The following AGBL3 variants were observed in gnomAD, a reference collection of about 807,000 sequenced individuals.
AGBL3 encodes the protein cytosolic carboxypeptidase 3.
In AGBL3, 68 loss-of-function variants were observed where a neutral mutation model predicts 94.5. The observed-to-expected ratio is 0.72, with a 90% CI of 0.59 to 0.88. The LOEUF (loss-of-function observed/expected upper bound fraction) is 0.88, where lower values mean the gene tolerates loss of function less well. Among genes scored for constraint, AGBL3 ranks in the 40% least tolerant of loss-of-function variants. AGBL3 has a pLI of 0.00. For synonymous variants in AGBL3, 354 were observed against 370.7 expected (o/e 0.95, Z 0.52); for missense variants, 934 against 1,103.8 (o/e 0.85, Z 2.18).
At chr7:135,077,769 T>G (rs1004831302) in intron 13 of AGBL3, among the ~76,000 whole-genome samples, 20 of 152,210 alleles carry the variant, frequency 1.3e-4, no homozygotes, top group African/African-American at 4.1e-4. Context: ...CCAGTTAAAC[T>G]CGGCCATTTT....
At chr7:135,130,725 G>C (rs1175818121) in intron 16 of AGBL3, among the ~76,000 whole-genome samples, 1 of 152,032 alleles carries the variant, frequency 6.6e-6, no homozygotes, top group East Asian at 1.9e-4. Flanking sequence ...TACCACTGTA[G>C]TTCCAGTCCT....
intron 11 of AGBL3, among the ~76,000 whole-genome samples, chr7:135,050,746 T>A (rs1817800587): frequency 6.6e-6 from 1 of 152,064 alleles, no homozygotes; most frequent in South Asian, 2.1e-4. Flanking sequence ...TCTCTTTTAG[T>A]TACCATTTTA....
At chr7:135,094,693 T>C (rs1822388716) in intron 15 of AGBL3, 1 of 359,150 alleles carries the variant, frequency 2.8e-6, no homozygotes, top group African/African-American at 2.1e-5. Context: ...ATCAATAGGT[T>C]AGAGACAAAT....
Position 135,037,675 on chromosome 7 carries a change from CT to C in AGBL3, c.1500+104del, listed in dbSNP as rs897571909. On this transcript the variant is annotated intron_variant, in intron 8 of 16. Transcript: ENST00000436302. ...ACGTGGATAATACTATTCCAAACTG[CT>C]TTTTTTTTAGTTAGTTTGACCAGTT... 1,247 of 1,038,246 alleles carry C rather than the reference CT, an allele frequency of 1.2e-3. 1 individual carries two copies. The highest frequency in any genetic ancestry group is 2.2e-3 in the South Asian group (87 of 40,268). The allele number at this position is 1,038,246 out of a possible 1,614,324, so 64.3% of individuals were successfully genotyped here. A position where few individuals can be genotyped will look rare whatever the true frequency, so the allele number is the denominator to read the frequency against.
At chr7:135,131,283 G>A (rs1354981402) in intron 16 of AGBL3, among the ~76,000 whole-genome samples, 2 of 151,990 alleles carry the variant, frequency 1.3e-5, no homozygotes, top group Non-Finnish European at 1.5e-5. Context: ...TGGACACATA[G>A]AGGGGAAAAT....
chr7:135,080,299 C>G (rs971541956), intron 14 of AGBL3, 39 bp downstream of exon 14: 15 of 1,512,282 alleles, frequency 9.9e-6, no homozygotes, highest in Admixed American at 9.9e-5. Context: ...ACAATTAATT[C>G]ATTTACTCAA....
rs369365248 is a variant in AGBL3, at chr7:135,044,148, C to G, written c.1624C>G (p.Leu542Val). Residue 542 changes from leucine to valine, a missense_variant, in exon 9 of 17, where the codon CTG becomes GTG. Leu to Val is a conservative substitution (Grantham distance 32). Around this residue, in one of 3 missense-constraint regions of AGBL3, gnomAD observed 441 missense variants for 518.2 expected, o/e 0.85. Transcript: ENST00000436302. ...GGAGGCCACCTTCTGTGGATCTACTCTGGGTAAGACCAAGGGTTCTCATTC... is the reference window on the plus strand; with the variant it reads ...GGAGGCCACCTTCTGTGGATCTACTGTGGGTAAGACCAAGGGTTCTCATTC... Reference protein sequence around the residue: ...TMEATFCGSTLGNKRGTHFST... With the variant: ...TMEATFCGSTVGNKRGTHFST... 2.3e-5 allele frequency: 36 copies of G among 1,548,060 alleles called. No individual in the cohort carries two copies. The African/African-American group carries it at 4.1e-4, about 18-fold the overall frequency.
At chr7:134,994,623 A>T (rs1022943985) in intron 4 of AGBL3, among the ~76,000 whole-genome samples, 2 of 152,228 alleles carry the variant, frequency 1.3e-5, no homozygotes, top group African/African-American at 4.8e-5. Context: ...TTACACATAC[A>T]TACTTTTTAT....
At chr7:135,053,536 G>C (rs1818075677) in intron 11 of AGBL3, among the ~76,000 whole-genome samples, 1 of 152,142 alleles carries the variant, frequency 6.6e-6, no homozygotes, top group African/African-American at 2.4e-5. Context: ...GAACCCGGGA[G>C]GCGGAGGTTG....
intron 3 of AGBL3, 99 bp from the exon 4 acceptor site, chr7:134,993,394 T>C (rs1810557652): frequency 2.1e-6 from 2 of 945,060 alleles, no homozygotes; most frequent in South Asian, 2.2e-5. Flanking sequence ...TACCCACACA[T>C]TGAATAGTGT....
intron 15 of AGBL3, among the ~76,000 whole-genome samples, chr7:135,110,140 T>G (rs980729716): frequency 6.6e-6 from 1 of 152,006 alleles, no homozygotes; most frequent in Non-Finnish European, 1.5e-5. Context: ...ACACTGCTAC[T>G]AGTGGCTGGC....
intron 8 of AGBL3, among the ~76,000 whole-genome samples, chr7:135,039,976 G>T (rs1003136280): frequency 2.6e-5 from 4 of 151,932 alleles, no homozygotes; most frequent in Admixed American, 1.3e-4. Context: ...AGAGAACGAG[G>T]AGGAGGGGGA....
chr7:135,042,547 T>C (rs1021703128), intron 8 of AGBL3, among the ~76,000 whole-genome samples: 2 of 152,112 alleles, frequency 1.3e-5, no homozygotes, highest in Admixed American at 1.3e-4. Flanking sequence ...AACTATCCTA[T>C]TAGGATAATA....
intron 4 of AGBL3, among the ~76,000 whole-genome samples, chr7:134,998,634 A>G (rs919392935): frequency 3.9e-5 from 6 of 152,232 alleles, no homozygotes; most frequent in Non-Finnish European, 8.8e-5. Context: ...ATATAGGTAC[A>G]GAACTAGTGG....
At chr7:135,128,120 C>T (rs1207334689) in intron 16 of AGBL3, among the ~76,000 whole-genome samples, 1 of 151,512 alleles carries the variant, frequency 6.6e-6, no homozygotes, top group East Asian at 1.9e-4. Flanking sequence ...GGTGAAACCC[C>T]GTCTCTACTA....
chr7:134,993,480 A>C lies in AGBL3; in HGVS notation c.125-13A>C. 1 of 1,526,474 alleles carries C rather than the reference A, an allele frequency of 6.6e-7. No homozygotes were observed. The highest frequency in any genetic ancestry group is 8.8e-7 in the Non-Finnish European group (1 of 1,134,666). The allele number at this position is 1,526,474 out of a possible 1,614,324, so 94.6% of individuals were successfully genotyped here. A position where few individuals can be genotyped will look rare whatever the true frequency, so the allele number is the denominator to read the frequency against. ...TCTTCCCACTCATGATTGTGTTTGA[A>C]TCTTTTTCTCAGCTGACTCTTTTGG... is the stretch of plus-strand genomic sequence containing the variant. On this transcript the variant is annotated splice_polypyrimidine_tract_variant and intron_variant, in intron 3 of 16. Coordinates refer to ENST00000436302, the MANE Select transcript of AGBL3 (RefSeq NM_178563.4).
intron 12 of AGBL3, among the ~76,000 whole-genome samples, chr7:135,073,733 G>A (rs985542569): frequency 3.3e-5 from 5 of 151,964 alleles, no homozygotes; most frequent in Admixed American, 1.3e-4. Flanking sequence ...CAGGGGGTAC[G>A]TGACTGGGGG....
intron 7 of AGBL3, among the ~76,000 whole-genome samples, chr7:135,035,926 C>A (rs912848921): frequency 6.6e-6 from 1 of 151,948 alleles, no homozygotes; most frequent in African/African-American, 2.4e-5. Flanking sequence ...GGCTTTATAT[C>A]AATCTTATGT....
chr7:135,024,448 T>C (rs1374593222), intron 5 of AGBL3, among the ~76,000 whole-genome samples: 1 of 152,220 alleles, frequency 6.6e-6, no homozygotes, highest in Admixed American at 6.5e-5. Flanking sequence ...AATAATACCC[T>C]GTACAGAGCT....
Sources: allele counts gnomAD v4.1 joint callset (sites outside exome capture counted in the v4.1 genomes callset), GRCh38; gene constraint gnomAD v4.1.1; regional missense constraint gnomAD v4.1.1; transcripts MANE v1.5; gene names NCBI Gene and HGNC (gene_info 2026-07-23, HGNC 2026-07-21).